Variants in MYT1L observed in about 807,000 individuals in gnomAD.
MYT1L encodes myelin transcription factor 1-like protein.
Under a neutral mutation model 126.7 loss-of-function variants are expected in MYT1L, and 12 were observed. The observed-to-expected ratio is 0.09, with a 90% confidence interval of 0.06 to 0.15. MYT1L has a LOEUF of 0.15. MYT1L is among the 10% of genes least tolerant of loss of function. The pLI is 1.00. For synonymous variants in MYT1L, 541 were observed against 604.2 expected, an observed-to-expected ratio of 0.90 and a Z score of 1.53; for missense variants, 979 against 1,585.2, an observed-to-expected ratio of 0.62 and a Z score of 6.49.
At chr2:1,907,876 T>A (rs971442924) in intron 13 of MYT1L, among the ~76,000 whole-genome samples, 2 of 152,230 alleles carry the variant, frequency 1.3e-5, no homozygotes, top group African/African-American at 4.8e-5. Flanking sequence ...GCATGCCAGG[T>A]AAGCCCCATG....
At chr2:1,927,929 A>T (rs943717922) in intron 9 of MYT1L, among the ~76,000 whole-genome samples, 1 of 49,194 alleles carries the variant, frequency 2.0e-5, no homozygotes, top group Admixed American at 1.5e-4. Context: ...AGGAAAAAAA[A>T]CCAAACCACA....
Position 2,287,360 on chromosome 2 carries a change from C to T in MYT1L, c.-520-2857G>A, listed in dbSNP as rs188924012. On this transcript the variant is annotated intron_variant, in intron 1 of 24. Coordinates refer to ENST00000647738, the MANE Select transcript of MYT1L (RefSeq NM_001303052.2). The stretch of plus-strand genomic sequence containing the variant: ...TAAGTGTTGAAAAAAATTGACTAGA[C>T]GAAGTTATTTAATGTCAGGACCATT... 2.1e-3 allele frequency among the ~76,000 whole-genome samples: 313 copies of T among 152,232 alleles called. 1 individual carries two copies. Among genetic ancestry groups the T allele is most frequent in the African/African-American group, 3.3e-3 (139 of 41,532 alleles).
intron 3 of MYT1L, among the ~76,000 whole-genome samples, chr2:2,170,891 G>C (rs1265140261): frequency 6.6e-6 from 1 of 152,150 alleles, no homozygotes; most frequent in Non-Finnish European, 1.5e-5. Flanking sequence ...TGATTGGTGA[G>C]GACTGATGAG....
chr2:2,285,485 A>T (rs945263673), intron 1 of MYT1L, among the ~76,000 whole-genome samples: 6 of 152,234 alleles, frequency 3.9e-5, no homozygotes, highest in African/African-American at 1.2e-4. Flanking sequence ...CTACCCACTA[A>T]CCATATTCGT....
chr2:1,901,169 G>A (rs1026333671), intron 14 of MYT1L, among the ~76,000 whole-genome samples: 2 of 152,164 alleles, frequency 1.3e-5, no homozygotes, highest in Non-Finnish European at 2.9e-5. Context: ...CGGCTCTGCT[G>A]GTCATGACTT....
intron 3 of MYT1L, among the ~76,000 whole-genome samples, chr2:2,114,370 T>C (rs932545918): frequency 2.0e-5 from 3 of 152,220 alleles, no homozygotes; most frequent in Non-Finnish European, 2.9e-5. Context: ...GGGGAGTCCG[T>C]CCTATGTTGA....
intron 21 of MYT1L, among the ~76,000 whole-genome samples, chr2:1,815,098 A>G (rs2037408941): frequency 6.6e-6 from 1 of 152,234 alleles, no homozygotes. Flanking sequence ...TTAAACCAGA[A>G]CCATGAAAGG....
chr2:1,829,324 C>G (rs984248005), intron 21 of MYT1L, among the ~76,000 whole-genome samples: 2 of 128,750 alleles, frequency 1.6e-5, no homozygotes, highest in Non-Finnish European at 3.3e-5. Flanking sequence ...TGTGAACTGA[C>G]CCTCCCATAC....
chr2:2,131,905 CTTTTTTTT>C (rs58810405), intron 3 of MYT1L, among the ~76,000 whole-genome samples: 1,970 of 111,112 alleles, frequency 0.018, 53 homozygotes, highest in African/African-American at 0.068. Flanking sequence ...AGAGTTCATC[CTTTTTTTT>C]TTTTTTTTTT....
chr2:1,818,076 G>T (rs910882683), intron 21 of MYT1L, among the ~76,000 whole-genome samples: 2 of 152,126 alleles, frequency 1.3e-5, no homozygotes, highest in Non-Finnish European at 2.9e-5. Flanking sequence ...CCGAGCTCCG[G>T]GAGGCCCTGA....
At chr2:1,968,376 T>C (rs990948671) in intron 8 of MYT1L, among the ~76,000 whole-genome samples, 1 of 152,204 alleles carries the variant, frequency 6.6e-6, no homozygotes, top group Non-Finnish European at 1.5e-5. Flanking sequence ...AATTGCTATG[T>C]ATTATTTATG....
Position 1,834,875 on chromosome 2 carries a change from CCACATACCAT to C in MYT1L, c.3080+4264_3080+4273del, listed in dbSNP as rs1572684443. 5.1e-4 allele frequency among the ~76,000 whole-genome samples: 76 copies of C among 150,092 alleles called. 7 individuals carry two copies. Among genetic ancestry groups the C allele is most frequent in the African/African-American group, 1.2e-3 (47 of 40,402 alleles). The stretch of plus-strand genomic sequence containing the variant: ...CACGGAGATGGATACAGGTACTCCT[CCACATACCAT>C]GGGGATGGATACAGGTACTTCTCCA... On this transcript the variant is annotated intron_variant, in intron 21 of 24. Coordinates refer to ENST00000647738, the MANE Select transcript of MYT1L (RefSeq NM_001303052.2).
chr2:2,026,234 GTC>G (rs1298604447), intron 4 of MYT1L, among the ~76,000 whole-genome samples: 1 of 152,172 alleles, frequency 6.6e-6, no homozygotes, highest in Non-Finnish European at 1.5e-5. Context: ...CGTGGCCCCA[GTC>G]TGTCCCCTCC....
At chr2:2,010,562 A>T (rs1574489571) in intron 4 of MYT1L, among the ~76,000 whole-genome samples, 1 of 152,050 alleles carries the variant, frequency 6.6e-6, no homozygotes, top group Non-Finnish European at 1.5e-5. Context: ...AAGTCTCGGT[A>T]TCTTCTGGAT....
chr2:2,323,822 T>G (rs2096209135), intron 1 of MYT1L, among the ~76,000 whole-genome samples: 1 of 152,192 alleles, frequency 6.6e-6, no homozygotes. Context: ...CTGGTTAAAT[T>G]AGCTAAAATC....
At chr2:2,299,247 G>T (rs1356363027) in intron 1 of MYT1L, among the ~76,000 whole-genome samples, 1 of 152,216 alleles carries the variant, frequency 6.6e-6, no homozygotes, top group African/African-American at 2.4e-5. Flanking sequence ...TTCTCTAAGG[G>T]GGAGCACCCA....
rs1368751373 is a variant in MYT1L, at chr2:1,811,382, G to GGCGTCATCAGCTCTA, written c.3081-2216_3081-2215insTAGAGCTGATGACGC. 2.0e-5 allele frequency: 3 copies of GGCGTCATCAGCTCTA among 152,430 alleles called. No homozygotes were observed. Among genetic ancestry groups the GGCGTCATCAGCTCTA allele is most frequent in the South Asian group, 2.1e-4 (1 of 4,802 alleles). 9.4% of individuals were successfully genotyped at this position (152,430 alleles called of 1,614,324 possible). A position where few individuals can be genotyped will look rare whatever the true frequency, so the allele number is the denominator to read the frequency against. The stretch of plus-strand genomic sequence containing the variant: ...CATCAGCTCCAGCATCATCAGCTCT[G>GGCGTCATCAGCTCTA]GCGTCATCAGCTCTGGCGTCATCAG... On this transcript the variant is annotated intron_variant, in intron 21 of 24. Coordinates refer to ENST00000647738, the MANE Select transcript of MYT1L (RefSeq NM_001303052.2). The surrounding 1 kb of genome is among the most constrained non-coding windows in gnomAD (Gnocchi z 4.4).
chr2:2,023,226 G>T (rs1274946968), intron 4 of MYT1L, among the ~76,000 whole-genome samples: 1 of 152,156 alleles, frequency 6.6e-6, no homozygotes, highest in East Asian at 1.9e-4. Flanking sequence ...GGCCAGTGTG[G>T]GCACTTTACC....
chr2:1,847,190 G>A (rs190186679), intron 19 of MYT1L, among the ~76,000 whole-genome samples: 7 of 152,198 alleles, frequency 4.6e-5, no homozygotes, highest in Admixed American at 2.0e-4. Context: ...CTCTGTGCCC[G>A]CGCATCTTCA....
Sources: allele counts gnomAD v4.1 joint callset (sites outside exome capture counted in the v4.1 genomes callset), GRCh38; gene constraint gnomAD v4.1.1; non-coding constraint Gnocchi (gnomAD v3.1); transcripts MANE v1.5; gene names NCBI Gene and HGNC (gene_info 2026-07-23, HGNC 2026-07-21).